Variants in USP15 observed in about 807,000 individuals in gnomAD.
USP15 encodes ubiquitin specific peptidase 15, also known as ubiquitin carboxyl-terminal hydrolase 15.
In USP15, 18 loss-of-function variants were observed where a neutral mutation model predicts 127.1. That is an observed-to-expected ratio of 0.14 (90% CI 0.10 to 0.21). The LOEUF (loss-of-function observed/expected upper bound fraction) is 0.21. USP15 is among the 10% of genes least tolerant of loss of function. The probability of loss-of-function intolerance (pLI) is 1.00; values close to 1 mark genes in which losing one functional copy is unlikely to be tolerated. For synonymous variants in USP15, 364 were observed against 393.7 expected, an observed-to-expected ratio of 0.92 and a Z score of 0.89; for missense variants, 805 against 1,159.9, an observed-to-expected ratio of 0.69 and a Z score of 4.44.
chr12:62,261,732 T>G (rs969586851), intron 1 of USP15, among the ~76,000 whole-genome samples: 1 of 152,224 alleles, frequency 6.6e-6, no homozygotes, highest in Non-Finnish European at 1.5e-5. Flanking sequence ...CTCTGCTCTT[T>G]ACTCCTGACA....
At position 62,409,193 on chromosome 12, in the gene USP15, A is replaced by T. The variant is rs560446332; in HGVS notation, c.*4818A>T. On this transcript the variant is annotated 3_prime_UTR_variant, in exon 22 of 22. Coordinates refer to ENST00000280377, the MANE Select transcript of USP15 (RefSeq NM_001252078.2). ...CGGTGCCATGGTTTAATTATTCCCCAGCTCTACTTTTGGGAGCCTGGAACT... is the reference window on the plus strand; with the variant it reads ...CGGTGCCATGGTTTAATTATTCCCCTGCTCTACTTTTGGGAGCCTGGAACT... 1 of 152,320 alleles carries T rather than the reference A, an allele frequency of 6.6e-6. No individual in the cohort carries two copies. Among genetic ancestry groups the T allele is most frequent in the East Asian group, 1.9e-4 (1 of 5,184 alleles). 9.4% of individuals were successfully genotyped at this position (152,320 alleles called of 1,614,324 possible).
intron 8 of USP15, among the ~76,000 whole-genome samples, chr12:62,372,730 A>G (rs2066714523): frequency 6.6e-6 from 1 of 152,072 alleles, no homozygotes; most frequent in Non-Finnish European, 1.5e-5. Flanking sequence ...TTGCTTGCCT[A>G]AAAAGTTAAT....
intron 8 of USP15, among the ~76,000 whole-genome samples, chr12:62,358,195 T>G (rs974992982): frequency 6.6e-6 from 1 of 152,090 alleles, no homozygotes; most frequent in Non-Finnish European, 1.5e-5. Flanking sequence ...ACTTTTTTAA[T>G]GTAAGCGTGG....
At position 62,366,956 on chromosome 12, in the gene USP15, A is replaced by C. The variant is rs549080336; in HGVS notation, c.915+11481A>C. ...GTGGTGCTGGATTCGGTTTGCCAGT[A>C]TTTTCTTGAGGATTTTCACGTCGAT... is the stretch of plus-strand genomic sequence containing the variant. On this transcript the variant is annotated intron_variant, in intron 8 of 21. Coordinates refer to ENST00000280377, the MANE Select transcript of USP15 (RefSeq NM_001252078.2). Among the ~76,000 whole-genome samples the C allele has an allele frequency of 9.2e-5, 14 of 152,018 alleles. 1 individual carries two copies. The highest frequency in any genetic ancestry group is 2.9e-4 in the African/African-American group (12 of 41,454).
At position 62,389,928 on chromosome 12, in the gene USP15, T is replaced by C. The variant is rs771926473; in HGVS notation, c.1784T>C (p.Met595Thr). 2 of 1,613,802 alleles carry C rather than the reference T, an allele frequency of 1.2e-6. No individual in the cohort carries two copies. The highest frequency in any genetic ancestry group is 1.7e-5 in the Admixed American group (1 of 60,014). ...TCACTTTTTGGTCAGCCCTTTCTTA[T>C]GGCTGTACCACGAAACAATACTGAA... is the stretch of plus-strand genomic sequence containing the variant. The part of the protein sequence containing the change: ...GSSLFGQPFL[M>T]AVPRNNTEDK... The change falls in exon 14 of 22, where the codon ATG becomes ACG. Residue 595 changes from methionine to threonine, a missense_variant. Physicochemically the swap from Met to Thr is moderately conservative, Grantham distance 81. Around this residue, in one of 11 missense-constraint regions of USP15, gnomAD observed 225 missense variants for 239.5 expected, o/e 0.94. Coordinates refer to ENST00000280377, the MANE Select transcript of USP15 (RefSeq NM_001252078.2).
At chr12:62,333,857 A>G (rs1204136620) in intron 6 of USP15, among the ~76,000 whole-genome samples, 3 of 152,180 alleles carry the variant, frequency 2.0e-5, no homozygotes, top group Non-Finnish European at 4.4e-5. Context: ...TAGAGACAAC[A>G]TACCAAAACC....
chr12:62,293,017 A>G (rs944498307), intron 1 of USP15, among the ~76,000 whole-genome samples: 1 of 152,152 alleles, frequency 6.6e-6, no homozygotes, highest in Non-Finnish European at 1.5e-5. Context: ...ATGCCTTGCC[A>G]CAGATGCTCG....
Position 62,328,778 on chromosome 12 carries a change from G to A in USP15, c.683+2845G>A, listed in dbSNP as rs573395962. ...CACTAGACCTACAAGGTAAATGAGA[G>A]TTACTGTAAAATTATACTAATAAAA... is the stretch of plus-strand genomic sequence containing the variant. On this transcript the variant is annotated intron_variant, in intron 6 of 21. Coordinates refer to ENST00000280377, the MANE Select transcript of USP15 (RefSeq NM_001252078.2). Among the ~76,000 whole-genome samples, 96 of 152,116 alleles carry A rather than the reference G, an allele frequency of 6.3e-4. 1 individual carries two copies. The highest frequency in any genetic ancestry group is 9.7e-4 in the Non-Finnish European group (66 of 68,022).
intron 1 of USP15, among the ~76,000 whole-genome samples, chr12:62,274,559 C>G (rs2063431826): frequency 6.6e-6 from 1 of 152,000 alleles, no homozygotes. Context: ...GCAAGAGAAT[C>G]ACTTGAGCTC....
intron 1 of USP15, among the ~76,000 whole-genome samples, chr12:62,289,402 C>T (rs1411654243): frequency 6.6e-6 from 1 of 152,074 alleles, no homozygotes; most frequent in Non-Finnish European, 1.5e-5. Context: ...TAGTGATGCT[C>T]ATAGTAGTCT....
chr12:62,372,714 A>G (rs1317063618), intron 8 of USP15, among the ~76,000 whole-genome samples: 2 of 152,036 alleles, frequency 1.3e-5, no homozygotes, highest in Non-Finnish European at 2.9e-5. Flanking sequence ...AAATCCTTTG[A>G]CTGTCTTGCT....
At chr12:62,383,812 T>C (rs371653669) in intron 9 of USP15, 28 bp from the exon 10 acceptor site, 1 of 1,603,978 alleles carries the variant, frequency 6.2e-7, no homozygotes, top group African/African-American at 1.3e-5. Flanking sequence ...TTCCTAGAAC[T>C]GATTTGATGG....
intron 8 of USP15, among the ~76,000 whole-genome samples, chr12:62,365,107 G>C (rs937511113): frequency 1.3e-5 from 2 of 152,110 alleles, no homozygotes; most frequent in African/African-American, 4.8e-5. Context: ...GGTATTTCTA[G>C]TTCTAGATCC....
chr12:62,376,740 G>C (rs1433212230), intron 8 of USP15, among the ~76,000 whole-genome samples: 1 of 152,066 alleles, frequency 6.6e-6, no homozygotes, highest in East Asian at 1.9e-4. Context: ...GTTTTGTCCT[G>C]TTTAACAGTC....
chr12:62,364,121 A>G lies in USP15; in HGVS notation c.915+8646A>G, dbSNP rs117491861. 4.2e-3 allele frequency among the ~76,000 whole-genome samples: 637 copies of G among 152,278 alleles called. 4 individuals are homozygous for G. Among genetic ancestry groups the G allele is most frequent in the Non-Finnish European group, 7.4e-3 (504 of 68,018 alleles). The stretch of plus-strand genomic sequence containing the variant: ...AAAATCATGGAAATGGTTGTTTCTA[A>G]ATGAGGGTATCTATGAAAAAGACGT... On this transcript the variant is annotated intron_variant, in intron 8 of 21. Coordinates refer to ENST00000280377, the MANE Select transcript of USP15 (RefSeq NM_001252078.2).
At chr12:62,354,686 C>T (rs902451390) in intron 7 of USP15, among the ~76,000 whole-genome samples, 3 of 151,836 alleles carry the variant, frequency 2.0e-5, no homozygotes, top group Non-Finnish European at 4.4e-5. Context: ...AAATAAACTA[C>T]ATTGTTCTGA....
intron 8 of USP15, among the ~76,000 whole-genome samples, chr12:62,379,551 T>C (rs540533983): frequency 3.9e-5 from 6 of 152,286 alleles, no homozygotes; most frequent in African/African-American, 9.6e-5. Flanking sequence ...AATTAAGTTA[T>C]AACAAAGTTT....
chr12:62,373,566 C>T (rs1010901762), intron 8 of USP15, among the ~76,000 whole-genome samples: 3 of 151,940 alleles, frequency 2.0e-5, no homozygotes, highest in Admixed American at 2.0e-4. Context: ...GCCTTTAAAA[C>T]TACCTTTATT....
intron 8 of USP15, among the ~76,000 whole-genome samples, chr12:62,377,095 G>T (rs1275395744): frequency 1.3e-5 from 2 of 151,748 alleles, no homozygotes; most frequent in Non-Finnish European, 2.9e-5. Context: ...CATTTAGGGG[G>T]TACATGAGGT....
Sources: gnomAD v4.1 joint callset for allele counts (sites outside exome capture counted in the v4.1 genomes callset) on GRCh38, gnomAD v4.1.1 for gene constraint, gnomAD v4.1.1 regional missense constraint, MANE v1.5 for transcripts, NCBI Gene and HGNC (gene_info 2026-07-23, HGNC 2026-07-21) for gene names.